OSBPL8: variants seen among roughly 807,000 people sequenced by gnomAD.
The protein encoded by OSBPL8 is oxysterol-binding protein-related protein 8.
In OSBPL8, 59 loss-of-function variants were observed where a neutral mutation model predicts 125.5. The ratio of observed to expected loss-of-function variants is 0.47; its 90% CI spans 0.38 to 0.58. The LOEUF is 0.58. OSBPL8 is among the 20% of genes least tolerant of loss of function. The pLI is 0.00. For synonymous variants in OSBPL8, 330 were observed against 338.9 expected, an observed-to-expected ratio of 0.97 and a Z score of 0.29; for missense variants, 758 against 1,047.8, an observed-to-expected ratio of 0.72 and a Z score of 3.82.
intron 16 of OSBPL8, among the ~76,000 whole-genome samples, chr12:76,377,470 A>G (rs1952872171): frequency 1.3e-5 from 2 of 152,112 alleles, no homozygotes; most frequent in Admixed American, 1.3e-4. Context: ...TCACCATTCT[A>G]ACTGGCATGA....
chr12:76,363,357 A>G (rs989559772), intron 21 of OSBPL8, among the ~76,000 whole-genome samples: 1 of 152,202 alleles, frequency 6.6e-6, no homozygotes, highest in Non-Finnish European at 1.5e-5. Flanking sequence ...ATAACGCCAC[A>G]CATCTACAAC....
intron 8 of OSBPL8, 105 bp downstream of exon 8, chr12:76,397,588 AT>A: frequency 8.9e-7 from 1 of 1,127,622 alleles, no homozygotes; most frequent in Non-Finnish European, 1.3e-6. Flanking sequence ...AGCAGAACAG[AT>A]TTATAAGTCC....
chr12:76,366,526 ACTCT>A (rs1401041726), intron 21 of OSBPL8: 3 of 375,002 alleles, frequency 8.0e-6, no homozygotes, highest in African/African-American at 6.6e-5. Flanking sequence ...TTTTTTTCCT[ACTCT>A]CTATTTTGTT....
At chr12:76,378,009 A>G (rs553075675) in intron 16 of OSBPL8, among the ~76,000 whole-genome samples, 31 of 152,324 alleles carry the variant, frequency 2.0e-4, no homozygotes, top group African/African-American at 7.2e-4. Flanking sequence ...ATGGGGCAAA[A>G]AGCATAATAC....
Position 76,386,655 on chromosome 12 carries a change from G to T in OSBPL8, c.1358C>A (p.Ala453Asp). ...YYHADFLSEA[A>D]LEENPYFRLK... ...ACGGAAATAAGGATTTTCTTCAAGA[G>T]CTGCCCTAAAACACAAAACGGTAAA... Residue 453 changes from alanine to aspartate, a missense_variant, in exon 13 of 24, where the codon GCT (alanine) becomes GAT (aspartate). Physicochemically the swap from Ala to Asp is moderately radical, Grantham distance 126. Coordinates refer to ENST00000261183, the MANE Select transcript of OSBPL8 (RefSeq NM_020841.5). The T allele has an allele frequency of 6.2e-7, 1 of 1,600,548 alleles. No individual in the cohort carries two copies. The highest frequency in any genetic ancestry group is 8.5e-7 in the Non-Finnish European group (1 of 1,172,866).
intron 4 of OSBPL8, 80 bp from the exon 5 acceptor site, chr12:76,410,714 A>G (rs1954479955): frequency 1.1e-6 from 1 of 945,634 alleles, no homozygotes; most frequent in African/African-American, 1.6e-5. Context: ...TATAGACTAT[A>G]TTTGATATAA....
rs577446618 is a variant in OSBPL8 at position 76,483,566 on chromosome 12, T to TA, written c.42+3943dup. Among the ~76,000 whole-genome samples, 18 of 122,534 alleles carry TA rather than the reference T, an allele frequency of 1.5e-4. No individual in the cohort carries two copies. The South Asian group carries it at 2.0e-3, about 13-fold the overall frequency. The allele number at this position is 122,534 out of a possible 152,430, so 80.4% of individuals were successfully genotyped here. ...GCAACAGAGCGAGACTCTGTCTCAA[T>TA]AAAAAAAAATTTGTATTATGTTCAA... On this transcript the variant is annotated intron_variant, in intron 2 of 23. Transcript: ENST00000261183.
At chr12:76,538,201 T>G (rs983367295) in intron 1 of OSBPL8, among the ~76,000 whole-genome samples, 8 of 152,204 alleles carry the variant, frequency 5.3e-5, no homozygotes, top group Non-Finnish European at 7.3e-5. Context: ...TATACATCAA[T>G]GTAGTCACTA....
intron 1 of OSBPL8, among the ~76,000 whole-genome samples, chr12:76,556,029 G>C (rs1951086007): frequency 1.3e-5 from 2 of 152,140 alleles, no homozygotes; most frequent in African/African-American, 2.4e-5. Context: ...CCTCCTCCAA[G>C]AAAGTTTCCC....
At chr12:76,494,007 A>T (rs1327061790) in intron 1 of OSBPL8, among the ~76,000 whole-genome samples, 2 of 151,942 alleles carry the variant, frequency 1.3e-5, no homozygotes, top group African/African-American at 4.8e-5. Flanking sequence ...TAATTATTCC[A>T]ACCTCTCTGT....
At chr12:76,416,954 T>C (rs1868755963) in intron 4 of OSBPL8, among the ~76,000 whole-genome samples, 1 of 152,200 alleles carries the variant, frequency 6.6e-6, no homozygotes, top group Non-Finnish European at 1.5e-5. Flanking sequence ...AATTAAAATA[T>C]GTATACTTAA....
chr12:76,445,412 G>C (rs571304827), intron 4 of OSBPL8, among the ~76,000 whole-genome samples: 1 of 152,164 alleles, frequency 6.6e-6, no homozygotes, highest in Admixed American at 6.5e-5. Flanking sequence ...TCTGCTCTTA[G>C]AAAGAAAGCA....
At chr12:76,397,665 T>A in intron 8 of OSBPL8, 29 bp downstream of exon 8, 1 of 1,593,032 alleles carries the variant, frequency 6.3e-7, no homozygotes, top group Non-Finnish European at 8.6e-7. Context: ...CATCTTTACC[T>A]TTCACCTATG....
intron 18 of OSBPL8, among the ~76,000 whole-genome samples, chr12:76,372,185 G>C (rs1952647124): frequency 6.6e-6 from 1 of 151,468 alleles, no homozygotes; most frequent in Non-Finnish European, 1.5e-5. Context: ...CTCTCTCTCT[G>C]TCATCTCTCA....
Position 76,425,215 on chromosome 12 carries a change from T to C in OSBPL8, c.218-14581A>G, listed in dbSNP as rs192855732. Reference sequence around the variant, plus strand: ...CATATTAGAGTAAAATAAAGATATCTTTAGACATGCAAGGTCTCAAAATTT... The same window carrying C: ...CATATTAGAGTAAAATAAAGATATCCTTAGACATGCAAGGTCTCAAAATTT... On this transcript the variant is annotated intron_variant, in intron 4 of 23. Transcript: ENST00000261183. 8.5e-3 allele frequency among the ~76,000 whole-genome samples: 1,300 copies of C among 152,330 alleles called. 9 individuals carry two copies. The highest frequency in any genetic ancestry group is 0.013 in the Non-Finnish European group (886 of 68,040).
intron 7 of OSBPL8, among the ~76,000 whole-genome samples, chr12:76,398,678 T>A (rs930285740): frequency 6.6e-6 from 1 of 152,180 alleles, no homozygotes; most frequent in Non-Finnish European, 1.5e-5. Flanking sequence ...CTGTAAAACA[T>A]CTGTTATTTC....
At chr12:76,462,872 T>C (rs1009946547) in intron 2 of OSBPL8, among the ~76,000 whole-genome samples, 1 of 152,050 alleles carries the variant, frequency 6.6e-6, no homozygotes, top group Non-Finnish European at 1.5e-5. Context: ...CTGGAATGTT[T>C]ATGGAAGAGC....
intron 1 of OSBPL8, among the ~76,000 whole-genome samples, chr12:76,490,486 G>A (rs1878600064): frequency 6.6e-6 from 1 of 152,198 alleles, no homozygotes; most frequent in Admixed American, 6.5e-5. Context: ...ACCTCAGAAA[G>A]AGCCTGATGG....
In OSBPL8 at chr12:76,404,604, G is replaced by A. The variant is rs575557213; in HGVS notation, c.289-1838C>T. On this transcript the variant is annotated intron_variant, in intron 5 of 23. Transcript: ENST00000261183. The stretch of plus-strand genomic sequence containing the variant: ...ACTCTTCCTCGTCAGCCTACTCAAT[G>A]TGAAGATAACAAAGATAGACCTTTC... Among the ~76,000 whole-genome samples the A allele has an allele frequency of 4.6e-5, 7 of 152,150 alleles. No individual in the cohort carries two copies. The South Asian group carries it at 1.5e-3, about 32-fold the overall frequency.
Sources: allele counts gnomAD v4.1 joint callset (sites outside exome capture counted in the v4.1 genomes callset), GRCh38; gene constraint gnomAD v4.1.1; transcripts MANE v1.5; gene names NCBI Gene and HGNC (gene_info 2026-07-23, HGNC 2026-07-21).